Variants in SDK1 observed in about 807,000 individuals in gnomAD.
The protein encoded by SDK1 is protein sidekick-1.
In SDK1, 157 loss-of-function variants were observed where a neutral mutation model predicts 245.5. That is an observed-to-expected ratio of 0.64 (90% CI 0.56 to 0.73). SDK1 has a LOEUF of 0.73. Among genes scored for constraint, SDK1 ranks in the 30% least tolerant of loss-of-function variants. SDK1 has a pLI of 0.00. For synonymous variants in SDK1, 1,647 were observed against 1,278.5 expected (o/e 1.29, Z -6.15); for missense variants, 3,583 against 3,002.3 (o/e 1.19, Z -4.52).
intron 1 of SDK1, among the ~76,000 whole-genome samples, chr7:3,579,274 A>G (rs1780406179): frequency 6.6e-6 from 1 of 152,224 alleles, no homozygotes; most frequent in Non-Finnish European, 1.5e-5. Context: ...TGATGGAAAT[A>G]TCTGCAACAA....
intron 1 of SDK1, among the ~76,000 whole-genome samples, chr7:3,563,480 C>CT (rs1438294616): frequency 1.3e-5 from 2 of 151,936 alleles, no homozygotes; most frequent in African/African-American, 2.4e-5. Context: ...AAGAGGAATG[C>CT]TATATATTGA....
intron 5 of SDK1, among the ~76,000 whole-genome samples, chr7:3,939,075 T>C (rs542047497): frequency 6.6e-6 from 1 of 152,330 alleles, no homozygotes; most frequent in East Asian, 1.9e-4. Context: ...GGAAATGGGA[T>C]ATACGACCGT....
intron 1 of SDK1, among the ~76,000 whole-genome samples, chr7:3,498,883 T>C (rs1254056654): frequency 6.6e-6 from 1 of 152,206 alleles, no homozygotes; most frequent in Non-Finnish European, 1.5e-5. Flanking sequence ...CTTATCCTGC[T>C]ACATGACACT....
chr7:3,836,767 C>A (rs995745835), intron 5 of SDK1, among the ~76,000 whole-genome samples: 2 of 152,182 alleles, frequency 1.3e-5, no homozygotes, highest in Non-Finnish European at 2.9e-5. Context: ...AAGAATAGAC[C>A]CTCCACAGGA....
intron 1 of SDK1, among the ~76,000 whole-genome samples, chr7:3,331,123 G>C (rs1406234197): frequency 6.6e-6 from 1 of 152,086 alleles, no homozygotes; most frequent in Admixed American, 6.5e-5. Flanking sequence ...AATTAGCTGG[G>C]TGTGGTGGTG....
intron 5 of SDK1, among the ~76,000 whole-genome samples, chr7:3,875,819 G>C (rs916777904): frequency 6.6e-6 from 1 of 152,110 alleles, no homozygotes; most frequent in Non-Finnish European, 1.5e-5. Flanking sequence ...CTATATCCTT[G>C]GGAATCTCCA....
intron 5 of SDK1, among the ~76,000 whole-genome samples, chr7:3,891,872 T>C (rs865778441): frequency 3.3e-5 from 5 of 152,208 alleles, no homozygotes; most frequent in Non-Finnish European, 4.4e-5. Flanking sequence ...TCCCTTTCAA[T>C]TGTATTTGCA....
intron 12 of SDK1, among the ~76,000 whole-genome samples, chr7:3,972,480 C>T (rs1782565220): frequency 6.6e-6 from 1 of 152,298 alleles, no homozygotes; most frequent in Non-Finnish European, 1.5e-5. Flanking sequence ...TGGTGGCAGA[C>T]AGGTGGGCAT....
chr7:3,874,864 C>T (rs752318193), intron 5 of SDK1, among the ~76,000 whole-genome samples: 5 of 152,172 alleles, frequency 3.3e-5, no homozygotes, highest in African/African-American at 4.8e-5. Context: ...AGGGGAGATA[C>T]GTCTCAGGAG....
intron 1 of SDK1, among the ~76,000 whole-genome samples, chr7:3,347,117 T>C (rs1026015648): frequency 1.3e-5 from 2 of 151,816 alleles, no homozygotes; most frequent in East Asian, 3.9e-4. Context: ...TGCCATTCCC[T>C]CTGCTTGCTT....
At chr7:4,245,626 A>G (rs1786798971) in intron 43 of SDK1, 50 bp from the exon 44 acceptor site, 1 of 1,598,180 alleles carries the variant, frequency 6.3e-7, no homozygotes, top group Non-Finnish European at 8.6e-7. Context: ...TCCTCCGGGG[A>G]AGGGCGTCTT....
chr7:3,545,626 C>T (rs1046658846), intron 1 of SDK1, among the ~76,000 whole-genome samples: 6 of 152,104 alleles, frequency 3.9e-5, no homozygotes, highest in African/African-American at 1.2e-4. Context: ...GAAATGAAAC[C>T]ACCTGGCAAC....
intron 1 of SDK1, among the ~76,000 whole-genome samples, chr7:3,357,007 A>T (rs1255738874): frequency 1.4e-5 from 2 of 147,008 alleles, no homozygotes; most frequent in Non-Finnish European, 3.0e-5. Flanking sequence ...GTGAGCCGAG[A>T]TAGTGCCACT....
chr7:3,932,607 T>C (rs771639682), intron 5 of SDK1, among the ~76,000 whole-genome samples: 2 of 152,206 alleles, frequency 1.3e-5, no homozygotes, highest in Non-Finnish European at 2.9e-5. Flanking sequence ...TGTACCTCTG[T>C]TGTGACACCC....
At chr7:3,546,636 C>T (rs1399684279) in intron 1 of SDK1, among the ~76,000 whole-genome samples, 4 of 152,006 alleles carry the variant, frequency 2.6e-5, no homozygotes, top group Non-Finnish European at 4.4e-5. Flanking sequence ...GAGAAAGACA[C>T]GCTGTGGTGG....
chr7:3,593,595 G>T (rs1463450961), intron 1 of SDK1, among the ~76,000 whole-genome samples: 1 of 152,194 alleles, frequency 6.6e-6, no homozygotes, highest in African/African-American at 2.4e-5. Context: ...TGGACTAAAA[G>T]ATAGGCACCC....
chr7:3,448,155 T>C (rs1305024622), intron 1 of SDK1, among the ~76,000 whole-genome samples: 1 of 152,200 alleles, frequency 6.6e-6, no homozygotes, highest in Non-Finnish European at 1.5e-5. Context: ...TTGTATAAGG[T>C]TCATTTTATC....
chr7:3,652,264 T>C (rs1015554733), intron 4 of SDK1, among the ~76,000 whole-genome samples: 1 of 152,142 alleles, frequency 6.6e-6, no homozygotes, highest in Non-Finnish European at 1.5e-5. Flanking sequence ...CCAGCTATTA[T>C]TTATGTATTA....
intron 1 of SDK1, among the ~76,000 whole-genome samples, chr7:3,568,126 G>A (rs1779986486): frequency 6.6e-6 from 1 of 152,090 alleles, no homozygotes; most frequent in Non-Finnish European, 1.5e-5. Context: ...CAACCTCCGT[G>A]GTTCTTTGAA....
Sources: allele counts gnomAD v4.1 joint callset (sites outside exome capture counted in the v4.1 genomes callset), GRCh38; gene constraint gnomAD v4.1.1; transcripts MANE v1.5; gene names NCBI Gene and HGNC (gene_info 2026-07-23, HGNC 2026-07-21).